The following KAZN variants were observed in gnomAD, a reference collection of about 807,000 sequenced individuals.
The protein encoded by KAZN is kazrin.
A neutral mutation model predicts 87.4 loss-of-function variants in KAZN; 40 were observed. The observed-to-expected ratio is 0.46, with a 90% CI of 0.36 to 0.60. KAZN has a LOEUF of 0.60. KAZN is among the 20% of genes least tolerant of loss of function. The pLI, the probability that KAZN is intolerant of heterozygous loss-of-function variation, is 0.00. For synonymous variants in KAZN, 466 were observed against 458.3 expected, an observed-to-expected ratio of 1.02 and a Z score of -0.22; for missense variants, 898 against 1,073.9, an observed-to-expected ratio of 0.84 and a Z score of 2.29.
In KAZN at chr1:14,054,288, T is replaced by TA. The variant is rs544756625; in HGVS notation, c.92-126141dup. On this transcript the variant is annotated intron_variant, in intron 1 of 16. Transcript: ENST00000636203. Reference sequence around the variant, plus strand: ...CTGTTATATTCATTTCAATTCTGATTAAAAAAGATAAAAATAAAAACCTTT... The same window carrying TA: ...CTGTTATATTCATTTCAATTCTGATTAAAAAAAGATAAAAATAAAAACCTTT... Among the ~76,000 whole-genome samples the TA allele has an allele frequency of 2.4e-3, 373 of 152,324 alleles. 5 individuals are homozygous for TA. Among genetic ancestry groups the TA allele is most frequent in the African/African-American group, 8.6e-3 (357 of 41,574 alleles).
At chr1:14,386,844 A>T (rs1233767891) in intron 2 of KAZN, among the ~76,000 whole-genome samples, 1 of 151,986 alleles carries the variant, frequency 6.6e-6, no homozygotes, top group Non-Finnish European at 1.5e-5. Context: ...GTATTTCCTG[A>T]ATCTGAATGT....
At chr1:15,046,454 A>G (rs1004908256) in intron 4 of KAZN, among the ~76,000 whole-genome samples, 1 of 152,108 alleles carries the variant, frequency 6.6e-6, no homozygotes, top group Non-Finnish European at 1.5e-5. Flanking sequence ...TCTCGGGGTG[A>G]CGGAGGTAGA....
At chr1:14,728,375 G>T (rs1643518382) in intron 1 of KAZN, among the ~76,000 whole-genome samples, 1 of 151,754 alleles carries the variant, frequency 6.6e-6, no homozygotes, top group Non-Finnish European at 1.5e-5. Context: ...ATGAGTGATG[G>T]GGAGTGGTTG....
chr1:14,326,349 G>GC (rs1656416747), intron 2 of KAZN, among the ~76,000 whole-genome samples: 2 of 152,000 alleles, frequency 1.3e-5, no homozygotes, highest in African/African-American at 4.8e-5. Context: ...AATTTTATTA[G>GC]CTCTATCCTC....
At chr1:14,232,801 A>C (rs982643714) in intron 2 of KAZN, among the ~76,000 whole-genome samples, 1 of 152,196 alleles carries the variant, frequency 6.6e-6, no homozygotes, top group African/African-American at 2.4e-5. Context: ...GCATTTTAAA[A>C]TAAAGAAAAA....
intron 1 of KAZN, among the ~76,000 whole-genome samples, chr1:14,691,573 G>A (rs930018357): frequency 2.0e-5 from 3 of 152,160 alleles, no homozygotes; most frequent in Middle Eastern, 6.8e-3. Context: ...TGAAAATTCC[G>A]CCTCCTGGGT....
At chr1:14,885,188 C>A (rs546390471) in intron 1 of KAZN, among the ~76,000 whole-genome samples, 10 of 152,248 alleles carry the variant, frequency 6.6e-5, no homozygotes, top group African/African-American at 2.2e-4. Context: ...ATATAATCAC[C>A]ACTTTCTTGC....
chr1:14,003,639 A>G (rs1639911038), intron 1 of KAZN, among the ~76,000 whole-genome samples: 1 of 152,220 alleles, frequency 6.6e-6, no homozygotes, highest in Non-Finnish European at 1.5e-5. Flanking sequence ...AATTATTTTT[A>G]TTTCAATAAA....
chr1:15,103,709 A>G (rs1641181292), intron 12 of KAZN, among the ~76,000 whole-genome samples: 2 of 152,240 alleles, frequency 1.3e-5, no homozygotes, highest in South Asian at 2.1e-4. Context: ...TAGGAGCCCC[A>G]TGTCATGATG....
chr1:14,374,600 C>T (rs1031924978), intron 2 of KAZN, among the ~76,000 whole-genome samples: 13 of 152,088 alleles, frequency 8.5e-5, no homozygotes, highest in Non-Finnish European at 1.9e-4. Flanking sequence ...AGCAAAGTCT[C>T]TAGTGATGAT....
intron 2 of KAZN, among the ~76,000 whole-genome samples, chr1:14,542,336 C>G (rs1255471459): frequency 6.6e-6 from 1 of 151,132 alleles, no homozygotes; most frequent in Non-Finnish European, 1.5e-5. Context: ...GGAGATATAC[C>G]TAATGCTAAA....
intron 1 of KAZN, among the ~76,000 whole-genome samples, chr1:14,880,886 C>G (rs1653267819): frequency 6.6e-6 from 1 of 152,196 alleles, no homozygotes; most frequent in South Asian, 2.1e-4. Flanking sequence ...ACATGCCTGT[C>G]CCAGTGGAAT....
intron 2 of KAZN, among the ~76,000 whole-genome samples, chr1:14,569,651 C>T (rs941070480): frequency 2.6e-5 from 4 of 151,766 alleles, no homozygotes; most frequent in South Asian, 4.2e-4. Flanking sequence ...TGGAAATACT[C>T]GATAATATTT....
intron 2 of KAZN, among the ~76,000 whole-genome samples, chr1:15,003,976 C>T (rs1298883112): frequency 6.6e-6 from 1 of 152,140 alleles, no homozygotes; most frequent in Non-Finnish European, 1.5e-5. Context: ...AAAACCGGTC[C>T]TCCTTTGCAC....
chr1:14,447,145 C>G (rs1229203515), intron 2 of KAZN, among the ~76,000 whole-genome samples: 3 of 151,622 alleles, frequency 2.0e-5, no homozygotes, highest in Non-Finnish European at 4.4e-5. Context: ...GCCAGAGCCT[C>G]TGGTATCCTA....
chr1:14,818,208 C>T (rs1026069091), intron 1 of KAZN, among the ~76,000 whole-genome samples: 3 of 152,208 alleles, frequency 2.0e-5, no homozygotes, highest in African/African-American at 4.8e-5. Context: ...TACTTTGTTG[C>T]CCCTTCGTCC....
chr1:14,057,681 C>T (rs1055801771), intron 1 of KAZN, among the ~76,000 whole-genome samples: 5 of 152,136 alleles, frequency 3.3e-5, no homozygotes, highest in African/African-American at 2.4e-5. Context: ...CCTAAGGCCC[C>T]GATAGGAGAG....
chr1:13,951,781 A>T (rs148113126), intron 1 of KAZN, among the ~76,000 whole-genome samples: 1 of 152,302 alleles, frequency 6.6e-6, no homozygotes, highest in African/African-American at 2.4e-5. Context: ...CAGGCAAGCC[A>T]TACAGACATA....
chr1:14,819,925 G>A (rs1646689408), intron 1 of KAZN, among the ~76,000 whole-genome samples: 1 of 151,840 alleles, frequency 6.6e-6, no homozygotes, highest in Non-Finnish European at 1.5e-5. Context: ...GGCCAGGCTG[G>A]TCTTGAACTC....
Sources: allele counts gnomAD v4.1 joint callset (sites outside exome capture counted in the v4.1 genomes callset), GRCh38; gene constraint gnomAD v4.1.1; transcripts MANE v1.5; gene names NCBI Gene and HGNC (gene_info 2026-07-23, HGNC 2026-07-21).